PPP2R5E: variants seen among roughly 807,000 people sequenced by gnomAD.
The protein encoded by PPP2R5E is protein phosphatase 2 regulatory subunit B'epsilon.
In PPP2R5E, 4 loss-of-function variants were observed where a neutral mutation model predicts 65.3. That is an observed-to-expected ratio of 0.06 (90% confidence interval 0.03 to 0.14). The LOEUF (loss-of-function observed/expected upper bound fraction) is 0.14, where lower values mean the gene tolerates loss of function less well. Ranked by LOEUF, PPP2R5E falls within the 10% of genes least tolerant of loss-of-function variation. The pLI, the probability that PPP2R5E is intolerant of heterozygous loss-of-function variation, is 1.00. For synonymous variants in PPP2R5E, 183 were observed against 187.4 expected (o/e 0.98, Z 0.19); for missense variants, 274 against 556.1 (o/e 0.49, Z 5.10).
intron 1 of PPP2R5E, among the ~76,000 whole-genome samples, chr14:63,540,298 G>C (rs770532975): frequency 2.6e-5 from 4 of 151,688 alleles, no homozygotes; most frequent in Admixed American, 1.3e-4. Context: ...AGGCGCAGTG[G>C]CATGCACCTG....
At chr14:63,491,164 GGA>G (rs1891268280) in intron 2 of PPP2R5E, among the ~76,000 whole-genome samples, 1 of 152,094 alleles carries the variant, frequency 6.6e-6, no homozygotes, top group East Asian at 1.9e-4. Flanking sequence ...CTTAAAAGTA[GGA>G]GCTAAACATT....
chr14:63,426,430 T>C (rs576059065), intron 3 of PPP2R5E, among the ~76,000 whole-genome samples: 14 of 151,858 alleles, frequency 9.2e-5, no homozygotes, highest in Admixed American at 5.2e-4. Context: ...AAAAAGTTTA[T>C]AAATAAAGAT....
chr14:63,466,825 G>A (rs1284717922), intron 2 of PPP2R5E, among the ~76,000 whole-genome samples: 3 of 152,132 alleles, frequency 2.0e-5, no homozygotes, highest in African/African-American at 7.2e-5. Context: ...GAACAGTTTT[G>A]AGTATATGAC....
Position 63,394,564 on chromosome 14 carries a change from G to A in PPP2R5E, c.741-636C>T, listed in dbSNP as rs145376956. The stretch of plus-strand genomic sequence containing the variant: ...CTTTTCCTTCTCCAAATAATGGCCC[G>A]CCTTGCTTGCTTCCGCCTTAAATAT... On this transcript the variant is annotated intron_variant, in intron 7 of 13. Coordinates refer to ENST00000337537, the MANE Select transcript of PPP2R5E (RefSeq NM_006246.5). 1.6e-4 allele frequency among the ~76,000 whole-genome samples: 24 copies of A among 152,110 alleles called. No homozygotes were observed. The East Asian group carries it at 3.7e-3, about 23-fold the overall frequency.
intron 2 of PPP2R5E, among the ~76,000 whole-genome samples, chr14:63,482,410 G>T (rs550836484): frequency 5.3e-5 from 8 of 152,310 alleles, no homozygotes; most frequent in Non-Finnish European, 1.0e-4. Context: ...AGTGAGCCAA[G>T]ATCGCACCAC....
At chr14:63,393,469 T>A (rs564944706) in intron 8 of PPP2R5E, among the ~76,000 whole-genome samples, 41 of 152,288 alleles carry the variant, frequency 2.7e-4, no homozygotes, top group South Asian at 8.3e-4. Context: ...ATCCCAGCAC[T>A]TTGGGAGGCC....
intron 3 of PPP2R5E, among the ~76,000 whole-genome samples, chr14:63,428,671 T>C (rs1411208477): frequency 6.6e-6 from 1 of 152,344 alleles, no homozygotes; most frequent in East Asian, 1.9e-4. Context: ...GTCAAATTCT[T>C]GGCCAAATGT....
intron 2 of PPP2R5E, among the ~76,000 whole-genome samples, chr14:63,506,450 CAAAAAAG>C (rs1288905128): frequency 6.6e-6 from 1 of 151,414 alleles, no homozygotes; most frequent in Non-Finnish European, 1.5e-5. Flanking sequence ...GACTCCGTCT[CAAAAAAG>C]AAAAAAGTAA....
chr14:63,459,598 C>T (rs1889341314), intron 2 of PPP2R5E, among the ~76,000 whole-genome samples: 1 of 152,132 alleles, frequency 6.6e-6, no homozygotes, highest in Non-Finnish European at 1.5e-5. Flanking sequence ...AAATACTTGA[C>T]CAATCCAATT....
At chr14:63,424,949 C>T (rs1887250774) in intron 3 of PPP2R5E, among the ~76,000 whole-genome samples, 1 of 152,064 alleles carries the variant, frequency 6.6e-6, no homozygotes, top group South Asian at 2.1e-4. Context: ...CTAAGATGAG[C>T]ATAGAGCCGT....
At chr14:63,499,549 A>G (rs975613490) in intron 2 of PPP2R5E, among the ~76,000 whole-genome samples, 20 of 152,034 alleles carry the variant, frequency 1.3e-4, no homozygotes, top group Non-Finnish European at 2.6e-4. Context: ...ACACGGCAAA[A>G]CCCGTCTCTA....
chr14:63,500,389 T>C (rs1891808504), intron 2 of PPP2R5E, among the ~76,000 whole-genome samples: 1 of 152,192 alleles, frequency 6.6e-6, no homozygotes, highest in South Asian at 2.1e-4. Context: ...TGCCAAATGC[T>C]GCAGTTCTTT....
chr14:63,535,211 G>A (rs748109726), intron 2 of PPP2R5E, among the ~76,000 whole-genome samples: 2 of 152,016 alleles, frequency 1.3e-5, no homozygotes, highest in South Asian at 4.1e-4. Flanking sequence ...GATCACCTGA[G>A]GTCAGGAGTT....
At chr14:63,392,570 C>A (rs935397040) in intron 8 of PPP2R5E, among the ~76,000 whole-genome samples, 1 of 152,178 alleles carries the variant, frequency 6.6e-6, no homozygotes, top group Non-Finnish European at 1.5e-5. Context: ...GGTACTAACA[C>A]ATCTAAGTAA....
At chr14:63,480,714 G>A (rs750757558) in intron 2 of PPP2R5E, among the ~76,000 whole-genome samples, 19 of 152,114 alleles carry the variant, frequency 1.2e-4, no homozygotes, top group African/African-American at 2.2e-4. Flanking sequence ...TCAAAGTGCC[G>A]GGATTACAGG....
chr14:63,487,606 CTA>C (rs1891061127), intron 2 of PPP2R5E, among the ~76,000 whole-genome samples: 1 of 152,200 alleles, frequency 6.6e-6, no homozygotes, highest in Non-Finnish European at 1.5e-5. Context: ...AGAGGTATAT[CTA>C]TGTTTTGAGG....
intron 3 of PPP2R5E, among the ~76,000 whole-genome samples, chr14:63,433,553 T>TGCATAA (rs376699198): frequency 6.6e-6 from 1 of 152,180 alleles, no homozygotes; most frequent in Non-Finnish European, 1.5e-5. Flanking sequence ...ATAAGGTATC[T>TGCATAA]GGGAACTGAG....
chr14:63,374,636 TATATATATA>T lies in PPP2R5E; in HGVS notation c.*1364_*1372del, dbSNP rs1361082979. 7 of 42,142 alleles carry T rather than the reference TATATATATA, an allele frequency of 1.7e-4. No homozygotes were observed. Among genetic ancestry groups the T allele is most frequent in the Admixed American group, 9.7e-4 (4 of 4,138 alleles). The allele number at this position is 42,142 out of a possible 1,614,324, so 2.6% of individuals were successfully genotyped here. ...AATACAAAGCAGAGAGCCAATAAGA[TATATATATA>T]TATATATATATATATATATATATAA... On this transcript the variant is annotated 3_prime_UTR_variant, in exon 14 of 14. Coordinates refer to ENST00000337537, the MANE Select transcript of PPP2R5E (RefSeq NM_006246.5).
chr14:63,479,132 A>G (rs901205183), intron 2 of PPP2R5E: 2 of 152,204 alleles, frequency 1.3e-5, no homozygotes, highest in Non-Finnish European at 1.5e-5. Context: ...GTTTCAAAAA[A>G]AGAAAGAAAG....
Sources: gnomAD v4.1 joint callset for allele counts (sites outside exome capture counted in the v4.1 genomes callset) on GRCh38, gnomAD v4.1.1 for gene constraint, MANE v1.5 for transcripts, NCBI Gene and HGNC (gene_info 2026-07-23, HGNC 2026-07-21) for gene names.